Variants in CD72 observed in about 807,000 individuals in gnomAD.
CD72 encodes the protein B-cell differentiation antigen CD72.
Under a neutral mutation model 50.7 loss-of-function variants are expected in CD72, and 28 were observed. The ratio of observed to expected loss-of-function variants is 0.55; its 90% CI spans 0.41 to 0.76. The LOEUF (loss-of-function observed/expected upper bound fraction) is 0.76. Ranked by LOEUF, CD72 falls within the 30% of genes least tolerant of loss-of-function variation. CD72 has a pLI of 0.00. For synonymous variants in CD72, 176 were observed against 171.2 expected (o/e 1.03, Z -0.22); for missense variants, 403 against 420.6 (o/e 0.96, Z 0.37).
intron 1 of CD72, among the ~76,000 whole-genome samples, chr9:35,632,927 GTTT>G (rs762196572): frequency 2.3e-5 from 3 of 129,648 alleles, no homozygotes; most frequent in African/African-American, 8.5e-5. Flanking sequence ...ATCCTTTTTA[GTTT>G]TTTTTTTTTT....
chr9:35,635,037 T>C (rs1016888227), intron 1 of CD72, among the ~76,000 whole-genome samples: 2 of 152,236 alleles, frequency 1.3e-5, no homozygotes, highest in African/African-American at 4.8e-5. Context: ...CTTCCTTGGC[T>C]GGGTATAGGT....
At chr9:35,613,537 G>A (rs1052822536) in intron 5 of CD72, among the ~76,000 whole-genome samples, 2 of 151,904 alleles carry the variant, frequency 1.3e-5, no homozygotes, top group Non-Finnish European at 2.9e-5. Flanking sequence ...ACATCCCAAT[G>A]TGCACTTCTG....
intron 6 of CD72, among the ~76,000 whole-genome samples, chr9:35,612,521 G>T (rs956285604): frequency 6.6e-6 from 1 of 151,908 alleles, no homozygotes; most frequent in African/African-American, 2.4e-5. Flanking sequence ...GGAGGCGGAG[G>T]TTGCAGTGAG....
At chr9:35,623,509 T>G (rs996226168), upstream of CD72, among the ~76,000 whole-genome samples, 2 of 152,196 alleles carry the variant, frequency 1.3e-5, no homozygotes, top group African/African-American at 4.8e-5. Context: ...TATCCCATAC[T>G]TAAATACTAC....
chr9:35,615,097 G>A (rs1048353551), intron 5 of CD72, among the ~76,000 whole-genome samples: 1 of 152,176 alleles, frequency 6.6e-6, no homozygotes, highest in African/African-American at 2.4e-5. Context: ...TTCGCCGGAA[G>A]AGCAATTTGG....
At chr9:35,622,260 T>C (rs1823151463), upstream of CD72, among the ~76,000 whole-genome samples, 1 of 152,126 alleles carries the variant, frequency 6.6e-6, no homozygotes, top group Non-Finnish European at 1.5e-5. Context: ...GGCCACCTGA[T>C]TGCACCATGA....
chr9:35,640,363 T>G (rs1326376046), intron 1 of CD72, among the ~76,000 whole-genome samples: 1 of 152,180 alleles, frequency 6.6e-6, no homozygotes, highest in African/African-American at 2.4e-5. Flanking sequence ...GCTTCCAAGA[T>G]GGTGGCAAGC....
At chr9:35,613,350 C>G (rs2131758071) in intron 5 of CD72, among the ~76,000 whole-genome samples, 1 of 152,206 alleles carries the variant, frequency 6.6e-6, no homozygotes. Context: ...CTCCACTCCT[C>G]CAGCACTGGC....
At chr9:35,612,737 G>T in intron 6 of CD72, 111 bp downstream of exon 6, 1 of 964,384 alleles carries the variant, frequency 1.0e-6, no homozygotes, top group Non-Finnish European at 1.6e-6. Context: ...TTTCTTCCAT[G>T]GAAAAGGAAT....
At chr9:35,629,860 T>G (rs1235688683) in intron 1 of CD72, among the ~76,000 whole-genome samples, 1 of 152,242 alleles carries the variant, frequency 6.6e-6, no homozygotes, top group African/African-American at 2.4e-5. Context: ...AGATGTTCAG[T>G]TCCACTGATT....
chr9:35,611,966 A>G, intron 6 of CD72, 47 bp from the exon 7 acceptor site: 2 of 1,044,284 alleles, frequency 1.9e-6, no homozygotes, highest in South Asian at 2.5e-5. Flanking sequence ...GAGTGATGAG[A>G]AATATGGAAG....
At chr9:35,614,040 T>C (rs1226973219) in intron 5 of CD72, among the ~76,000 whole-genome samples, 1 of 150,824 alleles carries the variant, frequency 6.6e-6, no homozygotes, top group Non-Finnish European at 1.5e-5. Context: ...AAAAGAAATC[T>C]GTATGGCCAA....
At chr9:35,641,475 CATCTG>C (rs1587910141) in intron 1 of CD72, among the ~76,000 whole-genome samples, 2 of 152,240 alleles carry the variant, frequency 1.3e-5, no homozygotes. Context: ...ATAATTTGGC[CATCTG>C]ATGGGTGCTA....
chr9:35,633,729 A>G (rs1453576004), intron 1 of CD72, among the ~76,000 whole-genome samples: 1 of 152,166 alleles, frequency 6.6e-6, no homozygotes, highest in Non-Finnish European at 1.5e-5. Flanking sequence ...CTTGTTTGAT[A>G]TCAGTACAGA....
chr9:35,638,923 A>G (rs72727003), intron 1 of CD72, among the ~76,000 whole-genome samples: 54 of 152,364 alleles, frequency 3.5e-4, no homozygotes, highest in Admixed American at 7.8e-4. Context: ...GAAACTACCC[A>G]AGGTAAAGGC....
upstream of CD72, chr9:35,618,557 CAG>C (rs1307981324): frequency 2.4e-6 from 2 of 843,394 alleles, no homozygotes; most frequent in East Asian, 3.0e-5. Context: ...GTCCAGAACA[CAG>C]GGGTAGGGGA....
intron 1 of CD72, chr9:35,643,529 C>T (rs144537635): frequency 6.6e-6 from 1 of 152,176 alleles, no homozygotes; most frequent in African/African-American, 2.4e-5. Context: ...AGACTTGATT[C>T]CTTACAAACA....
At chr9:35,613,598 C>T (rs947084303) in intron 5 of CD72, among the ~76,000 whole-genome samples, 1 of 152,180 alleles carries the variant, frequency 6.6e-6, no homozygotes, top group African/African-American at 2.4e-5. Flanking sequence ...CTACCTTCAT[C>T]ACTCAAAAAT....
At chr9:35,624,216 AT>A (rs1228445220), upstream of CD72, among the ~76,000 whole-genome samples, 13 of 4,344 alleles carry the variant, frequency 3.0e-3, 1 homozygote, top group East Asian at 0.03. Flanking sequence ...TGTCTCAAAA[AT>A]AATAATAATA....
Sources: allele counts gnomAD v4.1 joint callset (sites outside exome capture counted in the v4.1 genomes callset), GRCh38; gene constraint gnomAD v4.1.1; transcripts MANE v1.5; gene names NCBI Gene and HGNC (gene_info 2026-07-23, HGNC 2026-07-21).